Variants in RARB observed in about 807,000 individuals in gnomAD.
The protein encoded by RARB is retinoic acid receptor beta.
In RARB, 17 loss-of-function variants were observed where a neutral mutation model predicts 51.9. That is an observed-to-expected ratio of 0.33 (90% CI 0.22 to 0.49). The LOEUF (loss-of-function observed/expected upper bound fraction) is 0.49, where lower values mean the gene tolerates loss of function less well. Ranked by LOEUF, RARB falls within the 20% of genes least tolerant of loss-of-function variation. The pLI, the probability that RARB is intolerant of heterozygous loss-of-function variation, is 0.99. For missense variants in RARB, 369 were observed against 550.8 expected (o/e 0.67, Z 3.30); for synonymous variants, 215 against 195.4 (o/e 1.10, Z -0.84).
At chr3:25,321,535 T>C (rs1308995667) in intron 5 of RARB, among the ~76,000 whole-genome samples, 1 of 151,958 alleles carries the variant, frequency 6.6e-6, no homozygotes, top group Non-Finnish European at 1.5e-5. Context: ...CCAGATGACA[T>C]GGCGAAACCC....
chr3:24,951,924 C>T (rs34619201), intron 2 of RARB, among the ~76,000 whole-genome samples: 36,832 of 152,054 alleles, frequency 0.24, 4,737 homozygotes, highest in East Asian at 0.43. Context: ...AAACGTAATA[C>T]ACCCTTGCTC....
At chr3:24,839,274 G>A (rs963704140) in intron 1 of RARB, among the ~76,000 whole-genome samples, 1 of 152,110 alleles carries the variant, frequency 6.6e-6, no homozygotes, top group African/African-American at 2.4e-5. Context: ...CTGCTGCAGT[G>A]CTGTTCTTGA....
intron 5 of RARB, among the ~76,000 whole-genome samples, chr3:25,366,295 C>G (rs895157218): frequency 6.6e-6 from 1 of 152,194 alleles, no homozygotes; most frequent in Non-Finnish European, 1.5e-5. Flanking sequence ...GAACCTACAA[C>G]TGATTATTTC....
intron 2 of RARB, among the ~76,000 whole-genome samples, chr3:25,015,547 T>C (rs955731484): frequency 6.6e-6 from 1 of 152,192 alleles, no homozygotes; most frequent in Non-Finnish European, 1.5e-5. Flanking sequence ...TGATAGGACC[T>C]GTCAGTAATT....
At chr3:25,540,061 C>G (rs935458876) in intron 3 of RARB, among the ~76,000 whole-genome samples, 1 of 152,150 alleles carries the variant, frequency 6.6e-6, no homozygotes, top group Non-Finnish European at 1.5e-5. Context: ...GTCCTGAAAT[C>G]CCCTGCATAT....
intron 2 of RARB, among the ~76,000 whole-genome samples, chr3:25,042,913 C>T (rs1698142835): frequency 6.6e-6 from 1 of 152,212 alleles, no homozygotes; most frequent in South Asian, 2.1e-4. Flanking sequence ...TTATAATTTT[C>T]TCAGCTCTGA....
chr3:25,305,879 A>T (rs1704141897), intron 5 of RARB, among the ~76,000 whole-genome samples: 1 of 152,214 alleles, frequency 6.6e-6, no homozygotes, highest in Non-Finnish European at 1.5e-5. Flanking sequence ...TATTTGAAAC[A>T]TATAAACATT....
rs942070554 is a variant in RARB at position 24,973,411 on chromosome 3, A to G, written c.-379-86714A>G. Reference sequence around the variant, plus strand: ...GAAGTACAATAGTATAATGCCCCCAACTTACTTCTTTTTGATCAGCATTGC... The same window carrying G: ...GAAGTACAATAGTATAATGCCCCCAGCTTACTTCTTTTTGATCAGCATTGC... On this transcript the variant is annotated intron_variant, in intron 2 of 11. Transcript: ENST00000383772. Among the ~76,000 whole-genome samples, 10 of 151,988 alleles carry G rather than the reference A, an allele frequency of 6.6e-5. No homozygotes were observed. The Middle Eastern group carries it at 0.014, about 207-fold the overall frequency.
At chr3:25,071,253 G>A (rs1247210028) in intron 3 of RARB, among the ~76,000 whole-genome samples, 1 of 152,198 alleles carries the variant, frequency 6.6e-6, no homozygotes, top group Non-Finnish European at 1.5e-5. Context: ...AGGAAATTTA[G>A]ATCCAAAACC....
At chr3:25,370,959 C>T (rs547911034) in intron 5 of RARB, among the ~76,000 whole-genome samples, 2 of 152,294 alleles carry the variant, frequency 1.3e-5, no homozygotes, top group African/African-American at 4.8e-5. Context: ...CACTCTCTAT[C>T]TCTGTCTTCA....
chr3:25,085,351 G>C (rs1035883023), intron 3 of RARB, among the ~76,000 whole-genome samples: 1 of 152,024 alleles, frequency 6.6e-6, no homozygotes, highest in South Asian at 2.1e-4. Flanking sequence ...TTAAATAGTG[G>C]ATATACTTTT....
chr3:25,076,152 T>C (rs1391991023), intron 3 of RARB, among the ~76,000 whole-genome samples: 1 of 152,058 alleles, frequency 6.6e-6, no homozygotes, highest in African/African-American at 2.4e-5. Flanking sequence ...ATTTATTTTT[T>C]TTTTTTTTAG....
chr3:24,964,828 C>T (rs1332218615), intron 2 of RARB, among the ~76,000 whole-genome samples: 1 of 152,172 alleles, frequency 6.6e-6, no homozygotes, highest in Non-Finnish European at 1.5e-5. Context: ...TTCTGTTCTC[C>T]CTCAAGGGAG....
At chr3:25,263,373 T>TG (rs1434591353) in intron 5 of RARB, among the ~76,000 whole-genome samples, 1 of 152,152 alleles carries the variant, frequency 6.6e-6, no homozygotes, top group African/African-American at 2.4e-5. Flanking sequence ...ACTTGCCTAG[T>TG]GTCAGACAGC....
In RARB at chr3:25,583,746, C is replaced by T. The variant is rs182020952; in HGVS notation, c.786+3024C>T. 1.5e-4 allele frequency among the ~76,000 whole-genome samples: 23 copies of T among 152,340 alleles called. 1 individual carries two copies. In the East Asian group the frequency reaches 2.7e-3, roughly 18 times the overall value. The stretch of plus-strand genomic sequence containing the variant: ...GCAGCCCACAGCCGGGCTTCCTTCA[C>T]GAGGTTGGGTCCAGAAGATTCTGAG... On this transcript the variant is annotated intron_variant, in intron 5 of 7. Transcript: ENST00000330688.
chr3:25,108,026 G>A (rs967493674), intron 3 of RARB, among the ~76,000 whole-genome samples: 1 of 152,134 alleles, frequency 6.6e-6, no homozygotes, highest in African/African-American at 2.4e-5. Flanking sequence ...CACAAACACT[G>A]TGATACCTTA....
intron 2 of RARB, among the ~76,000 whole-genome samples, chr3:25,469,601 C>T (rs970108590): frequency 3.9e-5 from 6 of 152,200 alleles, no homozygotes; most frequent in African/African-American, 1.4e-4. Context: ...TCCCTCTGTT[C>T]CCTGTTGCTA....
intron 5 of RARB, among the ~76,000 whole-genome samples, chr3:25,336,799 T>C (rs1705076361): frequency 6.6e-6 from 1 of 152,102 alleles, no homozygotes; most frequent in Non-Finnish European, 1.5e-5. Flanking sequence ...CAAGAAATGG[T>C]CTGTATCACA....
At chr3:24,947,827 G>A (rs1319436370) in intron 2 of RARB, among the ~76,000 whole-genome samples, 1 of 152,126 alleles carries the variant, frequency 6.6e-6, no homozygotes, top group Non-Finnish European at 1.5e-5. Context: ...AGCTCTGTGT[G>A]ACTCTGGCCC....
Sources: allele counts gnomAD v4.1 joint callset (sites outside exome capture counted in the v4.1 genomes callset), GRCh38; gene constraint gnomAD v4.1.1; transcripts MANE v1.5; gene names NCBI Gene and HGNC (gene_info 2026-07-23, HGNC 2026-07-21).